The following HS3ST4 variants were observed in gnomAD, a reference collection of about 807,000 sequenced individuals.
The protein encoded by HS3ST4 is heparan sulfate-glucosamine 3-sulfotransferase 4.
In HS3ST4, 17 loss-of-function variants were observed where a neutral mutation model predicts 29.2. The observed-to-expected ratio is 0.58, with a 90% CI of 0.40 to 0.87. The LOEUF (loss-of-function observed/expected upper bound fraction) is 0.87, where lower values mean the gene tolerates loss of function less well. HS3ST4 is among the 40% of genes least tolerant of loss of function. HS3ST4 has a pLI of 0.00. For missense variants in HS3ST4, 627 were observed against 634.5 expected, an observed-to-expected ratio of 0.99 and a Z score of 0.13; for synonymous variants, 314 against 285.7, an observed-to-expected ratio of 1.10 and a Z score of -1.00.
chr16:25,705,199 G>C (rs1310662673), intron 1 of HS3ST4, among the ~76,000 whole-genome samples: 1 of 152,188 alleles, frequency 6.6e-6, no homozygotes, highest in Non-Finnish European at 1.5e-5. Context: ...GGGGCCCCCT[G>C]TTTGACTTTT....
At chr16:25,736,109 C>T (rs1333767559) in intron 1 of HS3ST4, among the ~76,000 whole-genome samples, 2 of 152,198 alleles carry the variant, frequency 1.3e-5, no homozygotes, top group Non-Finnish European at 2.9e-5. Context: ...GTTTTCATCT[C>T]CTCATACCAC....
chr16:25,821,131 C>T (rs1967151011), intron 1 of HS3ST4, among the ~76,000 whole-genome samples: 1 of 148,788 alleles, frequency 6.7e-6, no homozygotes, highest in Non-Finnish European at 1.5e-5. Flanking sequence ...GATCTCGGCT[C>T]ACTGCAAGCT....
chr16:25,727,755 C>T (rs149340108), intron 1 of HS3ST4, among the ~76,000 whole-genome samples: 268 of 152,272 alleles, frequency 1.8e-3, no homozygotes, highest in African/African-American at 4.9e-3. Context: ...TTATGCCATT[C>T]GGTACACCTC....
At chr16:25,965,003 A>G (rs1054293514) in intron 1 of HS3ST4, among the ~76,000 whole-genome samples, 8 of 152,202 alleles carry the variant, frequency 5.3e-5, no homozygotes, top group African/African-American at 1.9e-4. Flanking sequence ...CACTAGGTAC[A>G]TAAAAATAAA....
chr16:25,933,689 C>T (rs1360511100), intron 1 of HS3ST4, among the ~76,000 whole-genome samples: 1 of 152,026 alleles, frequency 6.6e-6, no homozygotes, highest in Non-Finnish European at 1.5e-5. Flanking sequence ...TCAGGCTGCT[C>T]GTGATGCATG....
intron 1 of HS3ST4, among the ~76,000 whole-genome samples, chr16:25,819,918 G>A (rs2141632783): frequency 6.8e-6 from 1 of 147,670 alleles, no homozygotes; most frequent in Admixed American, 6.8e-5. Context: ...GGCTGAGGCA[G>A]GAGAATCACT....
At chr16:25,965,263 C>T (rs976549092) in intron 1 of HS3ST4, among the ~76,000 whole-genome samples, 12 of 151,934 alleles carry the variant, frequency 7.9e-5, no homozygotes, top group Non-Finnish European at 1.6e-4. Flanking sequence ...GGCAAGTCCA[C>T]TCATGAAGCC....
At chr16:25,936,866 G>A (rs1968521619) in intron 1 of HS3ST4, among the ~76,000 whole-genome samples, 1 of 152,358 alleles carries the variant, frequency 6.6e-6, no homozygotes, top group African/African-American at 2.4e-5. Context: ...ATTTCACGTA[G>A]CAGGCAAGAT....
chr16:25,987,362 A>AT (rs1371280542), intron 1 of HS3ST4, among the ~76,000 whole-genome samples: 1 of 151,986 alleles, frequency 6.6e-6, no homozygotes, highest in Non-Finnish European at 1.5e-5. Flanking sequence ...AAAAAAAAAA[A>AT]GCAATACTTC....
intron 1 of HS3ST4, among the ~76,000 whole-genome samples, chr16:26,107,095 G>C (rs2141800407): frequency 6.6e-6 from 1 of 152,120 alleles, no homozygotes; most frequent in South Asian, 2.1e-4. Context: ...TGCCTTGAAT[G>C]GTTCTTTATT....
At chr16:25,773,504 C>T (rs892129178) in intron 1 of HS3ST4, among the ~76,000 whole-genome samples, 3 of 152,166 alleles carry the variant, frequency 2.0e-5, no homozygotes, top group Non-Finnish European at 4.4e-5. Context: ...CCCTTTAACT[C>T]TCATCCCTAG....
At chr16:26,025,322 T>C (rs1392277084) in intron 1 of HS3ST4, 1 of 154,436 alleles carries the variant, frequency 6.5e-6, no homozygotes, top group Non-Finnish European at 1.5e-5. Flanking sequence ...AATAGGTTGA[T>C]TGCCAAGTCT....
At chr16:26,002,367 T>C (rs1170845856) in intron 1 of HS3ST4, among the ~76,000 whole-genome samples, 1 of 152,118 alleles carries the variant, frequency 6.6e-6, no homozygotes, top group Non-Finnish European at 1.5e-5. Context: ...CCAGAGCACC[T>C]GAGACAATAG....
intron 1 of HS3ST4, among the ~76,000 whole-genome samples, chr16:25,853,252 AT>A (rs979394173): frequency 4.6e-5 from 7 of 151,358 alleles, no homozygotes; most frequent in African/African-American, 9.7e-5. Flanking sequence ...ACTTTACTGT[AT>A]TTTTTCATTA....
intron 1 of HS3ST4, among the ~76,000 whole-genome samples, chr16:25,697,367 G>A (rs2141578871): frequency 6.6e-6 from 1 of 152,296 alleles, no homozygotes; most frequent in South Asian, 2.1e-4. Context: ...TCTGTATGTG[G>A]CTATTGAATA....
At chr16:25,854,477 A>G (rs62036293) in intron 1 of HS3ST4, among the ~76,000 whole-genome samples, 1 of 14,552 alleles carries the variant, frequency 6.9e-5, no homozygotes, top group Non-Finnish European at 1.1e-4. Context: ...CTGTATTGCC[A>G]TCTGTTTTAT....
At chr16:26,055,754 CCTCTT>C (rs964588904) in intron 1 of HS3ST4, among the ~76,000 whole-genome samples, 2 of 152,138 alleles carry the variant, frequency 1.3e-5, no homozygotes, top group Non-Finnish European at 2.9e-5. Flanking sequence ...TCTTTCCTCT[CCTCTT>C]AAGTGTTTTT....
At chr16:25,733,700 C>T (rs117359522) in intron 1 of HS3ST4, among the ~76,000 whole-genome samples, 420 of 152,208 alleles carry the variant, frequency 2.8e-3, no homozygotes, top group Non-Finnish European at 5.2e-3. Context: ...CGGGGGGAAA[C>T]GCATCACTTG....
intron 1 of HS3ST4, chr16:25,933,280 A>G: frequency 2.2e-6 from 1 of 461,800 alleles, no homozygotes. Flanking sequence ...TTGGCTGCCG[A>G]GAGGTTTCTG....
Sources: allele counts gnomAD v4.1 joint callset (sites outside exome capture counted in the v4.1 genomes callset), GRCh38; gene constraint gnomAD v4.1.1; transcripts MANE v1.5; gene names NCBI Gene and HGNC (gene_info 2026-07-23, HGNC 2026-07-21).